Variants in LRP1B observed in about 807,000 individuals in gnomAD.
The protein encoded by LRP1B is low-density lipoprotein receptor-related protein 1B.
LRP1B carries 217 observed loss-of-function variants against 556.6 expected under a neutral mutation model. That is an observed-to-expected ratio of 0.39 (90% CI 0.35 to 0.44). The LOEUF (loss-of-function observed/expected upper bound fraction) is 0.44. Among genes scored for constraint, LRP1B ranks in the 20% least tolerant of loss-of-function variants. The pLI is 1.00. For missense variants in LRP1B, 5,053 were observed against 5,620.8 expected, an observed-to-expected ratio of 0.90 and a Z score of 3.23; for synonymous variants, 2,047 against 1,865.8, an observed-to-expected ratio of 1.10 and a Z score of -2.50.
intron 1 of LRP1B, among the ~76,000 whole-genome samples, chr2:141,842,291 T>C (rs1418699401): frequency 6.6e-6 from 1 of 152,150 alleles, no homozygotes; most frequent in Non-Finnish European, 1.5e-5. Flanking sequence ...AAAGGTAATA[T>C]AATTTAGGTA....
At chr2:140,447,471 C>G (rs72897873) in intron 63 of LRP1B, among the ~76,000 whole-genome samples, 1 of 151,738 alleles carries the variant, frequency 6.6e-6, no homozygotes, top group South Asian at 2.1e-4. Flanking sequence ...GCAATGGCAT[C>G]ATGTTTAAAA....
chr2:141,482,842 C>T (rs1471498930), intron 2 of LRP1B, among the ~76,000 whole-genome samples: 3 of 151,906 alleles, frequency 2.0e-5, no homozygotes, highest in African/African-American at 7.3e-5. Context: ...TAAAAGTTAC[C>T]CTCAGAGAAA....
At chr2:140,918,351 T>A (rs1694641903) in intron 21 of LRP1B, among the ~76,000 whole-genome samples, 1 of 152,102 alleles carries the variant, frequency 6.6e-6, no homozygotes, top group Non-Finnish European at 1.5e-5. Context: ...TGTATTGGTT[T>A]AAGTTTATTA....
intron 43 of LRP1B, among the ~76,000 whole-genome samples, chr2:140,575,942 C>CAAAAAACA (rs1553489485): frequency 6.7e-6 from 1 of 149,416 alleles, no homozygotes. Context: ...AAACAAAAAA[C>CAAAAAACA]AAAAAAAAAG....
intron 43 of LRP1B, among the ~76,000 whole-genome samples, chr2:140,573,486 C>T (rs1366045325): frequency 1.3e-5 from 2 of 151,694 alleles, no homozygotes; most frequent in African/African-American, 4.8e-5. Flanking sequence ...AACTAATCAC[C>T]CCAAATTTGT....
At chr2:141,146,740 A>G (rs1380381697) in intron 7 of LRP1B, among the ~76,000 whole-genome samples, 2 of 152,182 alleles carry the variant, frequency 1.3e-5, no homozygotes, top group Non-Finnish European at 2.9e-5. Context: ...TAACGCATAG[A>G]AGATACTTTT....
Position 140,908,103 on chromosome 2 carries a change from T to C in LRP1B, c.3320-26A>G. 11 of 1,587,854 alleles carry C rather than the reference T, an allele frequency of 6.9e-6. 1 individual carries two copies. The highest frequency in any genetic ancestry group is 9.5e-6 in the Non-Finnish European group (11 of 1,157,352). ...CTTAAGAAAACAGAAATAGTGTCAG[T>C]TTGATTTTTGTGATTAGGTCATTAT... On this transcript the variant is annotated intron_variant, in intron 21 of 90. Coordinates refer to ENST00000389484, the MANE Select transcript of LRP1B (RefSeq NM_018557.3).
intron 23 of LRP1B, among the ~76,000 whole-genome samples, chr2:140,890,152 G>GTA (rs1389966447): frequency 6.7e-6 from 1 of 148,646 alleles, no homozygotes; most frequent in Non-Finnish European, 1.5e-5. Context: ...TATAACTTGT[G>GTA]TATATATAAA....
At chr2:141,779,871 T>C (rs2196597) in intron 2 of LRP1B, among the ~76,000 whole-genome samples, 92,697 of 151,370 alleles carry the variant, frequency 0.61, 29,270 homozygotes, top group African/African-American at 0.77. Context: ...GCTACATTGC[T>C]ACCACTTGTT....
chr2:140,607,213 G>T (rs974567552), intron 41 of LRP1B, among the ~76,000 whole-genome samples: 8 of 152,176 alleles, frequency 5.3e-5, no homozygotes, highest in African/African-American at 1.9e-4. Context: ...AGACATCAAA[G>T]TACTGCAAAT....
chr2:140,978,155 G>C (rs921341401), intron 18 of LRP1B, among the ~76,000 whole-genome samples: 1 of 152,058 alleles, frequency 6.6e-6, no homozygotes, highest in Admixed American at 6.6e-5. Flanking sequence ...TAATGTAAAC[G>C]TGCACCCACA....
chr2:140,685,708 A>T (rs1057073168), intron 41 of LRP1B, among the ~76,000 whole-genome samples: 13 of 152,208 alleles, frequency 8.5e-5, no homozygotes, highest in African/African-American at 2.7e-4. Flanking sequence ...AAACTTAATT[A>T]TATAGCTGAC....
chr2:140,660,658 C>G (rs2105339008), intron 41 of LRP1B, among the ~76,000 whole-genome samples: 1 of 152,128 alleles, frequency 6.6e-6, no homozygotes, highest in South Asian at 2.1e-4. Context: ...ATATGAGAGT[C>G]TCTTATATCC....
intron 2 of LRP1B, among the ~76,000 whole-genome samples, chr2:141,590,628 G>A (rs1236787513): frequency 6.6e-6 from 1 of 152,036 alleles, no homozygotes; most frequent in Non-Finnish European, 1.5e-5. Context: ...TCATCAGAAA[G>A]ATTTTTCTCC....
chr2:141,580,665 C>A (rs1452566377), intron 2 of LRP1B, among the ~76,000 whole-genome samples: 1 of 152,180 alleles, frequency 6.6e-6, no homozygotes, highest in Admixed American at 6.5e-5. Flanking sequence ...TACTACTTAA[C>A]AAAAATCATT....
At chr2:140,841,240 TATC>T (rs1692095937) in intron 29 of LRP1B, 148 bp from the exon 30 acceptor site, 1 of 553,544 alleles carries the variant, frequency 1.8e-6, no homozygotes, top group Non-Finnish European at 3.1e-6. Flanking sequence ...CTCATTCCCT[TATC>T]AGCCCTTCTT....
intron 20 of LRP1B, among the ~76,000 whole-genome samples, chr2:140,938,737 T>C (rs1440750270): frequency 6.6e-6 from 1 of 152,078 alleles, no homozygotes; most frequent in African/African-American, 2.4e-5. Context: ...ATATAAAATG[T>C]CGGACAATTA....
chr2:140,762,655 T>C (rs558765742), intron 35 of LRP1B, among the ~76,000 whole-genome samples: 37 of 152,250 alleles, frequency 2.4e-4, no homozygotes, highest in African/African-American at 8.7e-4. Flanking sequence ...ATCCACTTAC[T>C]ACTTGTTGCC....
At chr2:141,591,709 C>T (rs1449127835) in intron 2 of LRP1B, among the ~76,000 whole-genome samples, 2 of 151,662 alleles carry the variant, frequency 1.3e-5, no homozygotes, top group African/African-American at 2.4e-5. Context: ...ACACAAATGT[C>T]GACAGGCTTT....
Sources: gnomAD v4.1 joint callset for allele counts (sites outside exome capture counted in the v4.1 genomes callset) on GRCh38, gnomAD v4.1.1 for gene constraint, MANE v1.5 for transcripts, NCBI Gene and HGNC (gene_info 2026-07-23, HGNC 2026-07-21) for gene names.